Variants in MEF2A observed in about 807,000 individuals in gnomAD.
The protein encoded by MEF2A is myocyte-specific enhancer factor 2A.
MEF2A carries 28 observed loss-of-function variants against 55.8 expected under a neutral mutation model. The observed-to-expected ratio is 0.50, with a 90% CI of 0.37 to 0.69. MEF2A has a LOEUF of 0.69. MEF2A is among the 30% of genes least tolerant of loss of function. The pLI, the probability that MEF2A is intolerant of heterozygous loss-of-function variation, is 0.00. For missense variants in MEF2A, 528 were observed against 626.2 expected, an observed-to-expected ratio of 0.84 and a Z score of 1.67; for synonymous variants, 239 against 227.1, an observed-to-expected ratio of 1.05 and a Z score of -0.47.
At chr15:99,638,855 G>A (rs967133835) in intron 3 of MEF2A, among the ~76,000 whole-genome samples, 1 of 152,062 alleles carries the variant, frequency 6.6e-6, no homozygotes, top group Non-Finnish European at 1.5e-5. Flanking sequence ...TGAGCCTTCA[G>A]ACCTTGTATG....
At position 99,712,838 on chromosome 15, in the gene MEF2A, A is replaced by T; in HGVS notation, c.*67A>T. ...ACCTGCCCTACATATCTAAATCGGT[A>T]AATAAGGACATGAGTTAAATATATT... On this transcript the variant is annotated 3_prime_UTR_variant, in exon 12 of 12. Coordinates refer to ENST00000557942, the MANE Select transcript of MEF2A (RefSeq NM_001319206.4). This position sits in a 1 kb window ranked among gnomAD's most constrained non-coding sequence, Gnocchi z 4.1. 1 of 1,461,596 alleles carries T rather than the reference A, an allele frequency of 6.8e-7. No individual in the cohort carries two copies. Among genetic ancestry groups the T allele is most frequent in the Non-Finnish European group, 9.2e-7 (1 of 1,083,426 alleles). 90.5% of individuals were successfully genotyped at this position (1,461,596 alleles called of 1,614,324 possible). A position where few individuals can be genotyped will look rare whatever the true frequency, so the allele number is the denominator to read the frequency against.
At chr15:99,638,171 T>G (rs1289905311) in intron 3 of MEF2A, among the ~76,000 whole-genome samples, 3 of 152,208 alleles carry the variant, frequency 2.0e-5, no homozygotes, top group Non-Finnish European at 1.5e-5. Context: ...AATTCTAGAT[T>G]GGCAGTTTTA....
intron 8 of MEF2A, among the ~76,000 whole-genome samples, chr15:99,700,210 A>G (rs1461108278): frequency 7.2e-6 from 1 of 139,420 alleles, no homozygotes; most frequent in East Asian, 2.2e-4. Flanking sequence ...ACACACACAC[A>G]CACATATGTA....
intron 7 of MEF2A, among the ~76,000 whole-genome samples, chr15:99,689,064 A>T (rs2054853942): frequency 6.6e-6 from 1 of 152,234 alleles, no homozygotes; most frequent in Non-Finnish European, 1.5e-5. Flanking sequence ...CGTATTTTAT[A>T]TCTCAACTAG....
intron 8 of MEF2A, among the ~76,000 whole-genome samples, chr15:99,697,231 A>G (rs963964720): frequency 1.3e-5 from 2 of 152,106 alleles, no homozygotes; most frequent in African/African-American, 4.8e-5. Flanking sequence ...TAAAAGTCCT[A>G]GCCAGTACAG....
intron 7 of MEF2A, chr15:99,681,641 G>T (rs1377112129): frequency 5.3e-5 from 8 of 152,168 alleles, no homozygotes; most frequent in Admixed American, 5.2e-4. Context: ...AAGAAAAGAA[G>T]CAGACCCCAT....
At position 99,714,884 on chromosome 15, in the gene MEF2A, C is replaced by T. The variant is rs2059012272; in HGVS notation, c.*2113C>T. On this transcript the variant is annotated 3_prime_UTR_variant, in exon 12 of 12. Transcript: ENST00000557942. ...TTGTGACAAGTCATCAGCCAGATTT[C>T]CTGACTGACACATAGGTATGATCAG... The T allele has an allele frequency of 1.5e-5, 2 of 133,052 alleles. No individual in the cohort carries two copies. The highest frequency in any genetic ancestry group is 5.8e-5 in the African/African-American group (2 of 34,680). The allele number at this position is 133,052 out of a possible 1,614,324, so 8.2% of individuals were successfully genotyped here.
intron 2 of MEF2A, among the ~76,000 whole-genome samples, chr15:99,608,147 T>A (rs1567216252): frequency 6.6e-6 from 1 of 152,214 alleles, no homozygotes; most frequent in Non-Finnish European, 1.5e-5. Context: ...AATAATCATA[T>A]GTCCTGTTTA....
chr15:99,606,659 G>A (rs921746790), intron 2 of MEF2A, among the ~76,000 whole-genome samples: 8 of 152,006 alleles, frequency 5.3e-5, no homozygotes, highest in Admixed American at 1.3e-4. Flanking sequence ...TGGGAAATGC[G>A]AATTAAAAAA....
rs1393634953 is a variant in MEF2A at position 99,714,507 on chromosome 15, ACT to A, written c.*1739_*1740del. 1.3e-5 allele frequency: 2 copies of A among 152,080 alleles called. No homozygotes were observed. The highest frequency in any genetic ancestry group is 3.9e-4 in the East Asian group (2 of 5,164). 9.4% of individuals were successfully genotyped at this position (152,080 alleles called of 1,614,324 possible). A position where few individuals can be genotyped will look rare whatever the true frequency, so the allele number is the denominator to read the frequency against. On this transcript the variant is annotated 3_prime_UTR_variant, in exon 12 of 12. Transcript: ENST00000557942. ...GATGCTTTGGTATGCGGGGAGAAAC[ACT>A]CTTAGGGTGCTGGTCCTTGGCATGA...
chr15:99,675,418 A>G lies in MEF2A; in HGVS notation c.630A>G (p.Thr210=). 1 of 1,613,950 alleles carries G rather than the reference A, an allele frequency of 6.2e-7. No homozygotes were observed. The highest frequency in any genetic ancestry group is 8.5e-7 in the Non-Finnish European group (1 of 1,179,838). Residue 210 remains threonine (T), a synonymous_variant, in exon 7 of 12, where the codon ACA becomes ACG. Coordinates refer to ENST00000557942, the MANE Select transcript of MEF2A (RefSeq NM_001319206.4). ...TGNAGGMLST[T]DLTVPNGAGS... The stretch of plus-strand genomic sequence containing the variant: ...TGTTAGGTGGGATGTTGAGCACTAC[A>G]GACCTCACAGTGCCAAATGGAGCTG...
At chr15:99,698,811 G>A (rs1173311679) in intron 8 of MEF2A, among the ~76,000 whole-genome samples, 1 of 150,456 alleles carries the variant, frequency 6.6e-6, no homozygotes, top group African/African-American at 2.4e-5. Flanking sequence ...AAACAAAAAC[G>A]CAAAAACTAG....
At chr15:99,665,731 C>CAAAAAAAAA (rs752473261) in intron 4 of MEF2A, among the ~76,000 whole-genome samples, 50 of 20,210 alleles carry the variant, frequency 2.5e-3, no homozygotes, top group East Asian at 3.4e-3. Flanking sequence ...CTTAAATTTA[C>CAAAAAAAAA]AAAAAAAAAA....
At chr15:99,598,807 A>G (rs143712317) in intron 2 of MEF2A, among the ~76,000 whole-genome samples, 312 of 152,252 alleles carry the variant, frequency 2.0e-3, no homozygotes, top group African/African-American at 7.3e-3. Flanking sequence ...GAAAGAAGAA[A>G]AAAAATTAAG....
chr15:99,630,917 C>T (rs1354367535), intron 2 of MEF2A, among the ~76,000 whole-genome samples: 1 of 152,200 alleles, frequency 6.6e-6, no homozygotes, highest in African/African-American at 2.4e-5. Context: ...CTCTTGAAAG[C>T]TCTGTTAACT....
intron 6 of MEF2A, among the ~76,000 whole-genome samples, chr15:99,675,115 A>G (rs2051694905): frequency 6.6e-6 from 1 of 152,126 alleles, no homozygotes; most frequent in African/African-American, 2.4e-5. Flanking sequence ...CTCCTTACAC[A>G]CTGCCCCCGT....
intron 7 of MEF2A, among the ~76,000 whole-genome samples, chr15:99,688,758 A>AAAAT (rs1307498944): frequency 1.9e-4 from 17 of 90,050 alleles, no homozygotes; most frequent in Middle Eastern, 0.019. Context: ...CTCCGTCTGA[A>AAAAT]AAGTAAATAA....
chr15:99,613,404 A>G (rs1567227084), intron 2 of MEF2A, among the ~76,000 whole-genome samples: 1 of 152,236 alleles, frequency 6.6e-6, no homozygotes, highest in Non-Finnish European at 1.5e-5. Context: ...AAACGGCAGT[A>G]GGAACTGAGA....
intron 1 of MEF2A, among the ~76,000 whole-genome samples, chr15:99,583,612 C>T (rs776433895): frequency 6.6e-6 from 1 of 152,024 alleles, no homozygotes; most frequent in Admixed American, 6.6e-5. Flanking sequence ...TACCATGATA[C>T]TGAAGAGTAG....
Sources: gnomAD v4.1 joint callset for allele counts (sites outside exome capture counted in the v4.1 genomes callset) on GRCh38, gnomAD v4.1.1 for gene constraint, Gnocchi (gnomAD v3.1) non-coding constraint, MANE v1.5 for transcripts, NCBI Gene and HGNC (gene_info 2026-07-23, HGNC 2026-07-21) for gene names.